The following PDE11A variants were observed in gnomAD, a reference collection of about 807,000 sequenced individuals.
PDE11A encodes phosphodiesterase 11A.
In PDE11A, 100 loss-of-function variants were observed where a neutral mutation model predicts 100.5. That is an observed-to-expected ratio of 1.00 (90% CI 0.85 to 1.18). The LOEUF is 1.18. PDE11A is among the 50% of genes most tolerant of loss of function. PDE11A has a pLI of 0.00. For synonymous variants in PDE11A, 381 were observed against 420.8 expected (o/e 0.91, Z 1.16); for missense variants, 1,141 against 1,152.6 (o/e 0.99, Z 0.15).
intron 1 of PDE11A, among the ~76,000 whole-genome samples, chr2:178,045,652 T>C (rs1559052993): frequency 6.6e-6 from 1 of 152,242 alleles, no homozygotes; most frequent in Admixed American, 6.5e-5. Flanking sequence ...CTATCACTAC[T>C]GTCAGTAGTA....
intron 9 of PDE11A, among the ~76,000 whole-genome samples, chr2:177,811,325 T>C (rs1456883597): frequency 6.6e-6 from 1 of 151,980 alleles, no homozygotes; most frequent in African/African-American, 2.4e-5. Flanking sequence ...AGTAAATGCC[T>C]CTCTTTGTTC....
chr2:178,006,578 G>C (rs1420219874), intron 2 of PDE11A, among the ~76,000 whole-genome samples: 1 of 152,146 alleles, frequency 6.6e-6, no homozygotes, highest in African/African-American at 2.4e-5. Flanking sequence ...TTTAACCTGA[G>C]TTCTGGCAGG....
In PDE11A at chr2:177,968,933, A is replaced by G. The variant is rs530873272; in HGVS notation, c.1071+45369T>C. Among the ~76,000 whole-genome samples the G allele has an allele frequency of 5.9e-5, 9 of 152,372 alleles. No individual in the cohort carries two copies. In the South Asian group the frequency reaches 1.9e-3, roughly 32 times the overall value. ...CCATTACTGGGTATATGTCCAAAGG[A>G]TTATAAATCATTCTACTATAAGAAC... On this transcript the variant is annotated intron_variant, in intron 2 of 19. Coordinates refer to ENST00000286063, the MANE Select transcript of PDE11A (RefSeq NM_016953.4).
chr2:177,839,471 C>T (rs80142996), intron 6 of PDE11A, among the ~76,000 whole-genome samples: 1 of 152,166 alleles, frequency 6.6e-6, no homozygotes, highest in Non-Finnish European at 1.5e-5. Context: ...AGAACAAATA[C>T]TCCAATTTCT....
intron 2 of PDE11A, among the ~76,000 whole-genome samples, chr2:177,963,983 T>C (rs926463432): frequency 2.0e-5 from 3 of 152,292 alleles, no homozygotes; most frequent in African/African-American, 2.4e-5. Context: ...CATCTTCTTA[T>C]CTCCAGTGCC....
intron 6 of PDE11A, among the ~76,000 whole-genome samples, chr2:177,837,890 A>C (rs749113421): frequency 3.9e-5 from 6 of 152,344 alleles, no homozygotes; most frequent in Middle Eastern, 3.4e-3. Flanking sequence ...GGACTTTCTT[A>C]AGGAGTGCTC....
chr2:177,934,678 A>G lies in PDE11A; in HGVS notation c.1072-29491T>C, dbSNP rs189417050. Among the ~76,000 whole-genome samples the G allele has an allele frequency of 6.8e-4, 104 of 152,362 alleles. No individual in the cohort carries two copies. In the East Asian group the frequency reaches 0.014, roughly 20 times the overall value. On this transcript the variant is annotated intron_variant, in intron 2 of 19. Transcript: ENST00000286063. Reference sequence around the variant, plus strand: ...ATAAATCATTCTACCAAAAAGACACATGCATTTGCATGTTCATCACAGCAC... The same window carrying G: ...ATAAATCATTCTACCAAAAAGACACGTGCATTTGCATGTTCATCACAGCAC...
rs746228686 is a variant in PDE11A at position 177,840,369 on chromosome 2, A to C, written c.1382T>G (p.Met461Arg). The change falls in exon 6 of 20, where the codon ATG (methionine) becomes AGG (arginine). Residue 461 changes from methionine to arginine, a missense_variant. Physicochemically the swap from Met to Arg is moderately conservative, Grantham distance 91. Coordinates refer to ENST00000286063, the MANE Select transcript of PDE11A (RefSeq NM_016953.4). ...CCAGTCGGAGTATGATGATTTCTCCATGCTTTCTTTGAAACTATCAGAGCA... is the reference window on the plus strand; with the variant it reads ...CCAGTCGGAGTATGATGATTTCTCCCTGCTTTCTTTGAAACTATCAGAGCA... ...ADAENSFKES[M>R]EKSSYSDWLI... 4 of 1,613,976 alleles carry C rather than the reference A, an allele frequency of 2.5e-6. No individual in the cohort carries two copies. The Admixed American group carries it at 6.7e-5, about 27-fold the overall frequency.
At chr2:177,687,243 A>T (rs573879703) in intron 15 of PDE11A, 1 of 152,354 alleles carries the variant, frequency 6.6e-6, no homozygotes, top group Non-Finnish European at 1.5e-5. Flanking sequence ...AGTCTCTGCC[A>T]GTCCTGTTGA....
At chr2:177,652,447 C>T (rs1217494413) in intron 19 of PDE11A, among the ~76,000 whole-genome samples, 4 of 151,896 alleles carry the variant, frequency 2.6e-5, no homozygotes, top group Admixed American at 2.6e-4. Context: ...GCAGAGGGTA[C>T]AAAGGAAGGA....
intron 4 of PDE11A, among the ~76,000 whole-genome samples, chr2:177,889,697 A>G (rs953921993): frequency 1.3e-5 from 2 of 150,798 alleles, no homozygotes; most frequent in Non-Finnish European, 3.0e-5. Context: ...CTTTCTGTGC[A>G]GCTACATATT....
chr2:177,934,926 G>A (rs1163088709), intron 2 of PDE11A, among the ~76,000 whole-genome samples: 1 of 152,178 alleles, frequency 6.6e-6, no homozygotes, highest in Non-Finnish European at 1.5e-5. Flanking sequence ...ACTCATGGAT[G>A]TAAAGATAGC....
intron 2 of PDE11A, among the ~76,000 whole-genome samples, chr2:178,103,962 T>C (rs2087589109): frequency 6.6e-6 from 1 of 152,188 alleles, no homozygotes; most frequent in Non-Finnish European, 1.5e-5. Context: ...CCCACTCTGC[T>C]AAAATCAATA....
chr2:178,075,997 A>G (rs1486469673), upstream of PDE11A, among the ~76,000 whole-genome samples: 1 of 152,180 alleles, frequency 6.6e-6, no homozygotes, highest in Admixed American at 6.5e-5. Context: ...ACTATCTATA[A>G]TACACTCCAT....
At chr2:177,653,370 T>C (rs1224565554) in intron 19 of PDE11A, among the ~76,000 whole-genome samples, 2 of 152,246 alleles carry the variant, frequency 1.3e-5, no homozygotes, top group Admixed American at 6.5e-5. Flanking sequence ...GGGAGATTCC[T>C]GAGATCCCAT....
intron 2 of PDE11A, among the ~76,000 whole-genome samples, chr2:177,987,149 T>C (rs918330604): frequency 4.6e-5 from 7 of 152,220 alleles, no homozygotes; most frequent in African/African-American, 1.7e-4. Context: ...TGCAGTGCTA[T>C]AGCCAATACC....
intron 10 of PDE11A, among the ~76,000 whole-genome samples, 174 bp downstream of exon 10, chr2:177,769,149 T>C (rs1276925459): frequency 6.6e-6 from 1 of 152,214 alleles, no homozygotes; most frequent in African/African-American, 2.4e-5. Flanking sequence ...TACTCAGTTA[T>C]ACAAAAGTCC....
chr2:177,818,819 A>G lies in PDE11A; in HGVS notation c.1577-894T>C, dbSNP rs573281969. Among the ~76,000 whole-genome samples the G allele has an allele frequency of 2.0e-5, 3 of 152,152 alleles. No individual in the cohort carries two copies. The South Asian group carries it at 6.2e-4, about 32-fold the overall frequency. On this transcript the variant is annotated intron_variant, in intron 7 of 19. Coordinates refer to ENST00000286063, the MANE Select transcript of PDE11A (RefSeq NM_016953.4). ...ACAAGTTTAACAAGAAAAATCAACT[A>G]TCTTGAAAACCACTAGCCTGTGTCC... is the stretch of plus-strand genomic sequence containing the variant.
intron 5 of PDE11A, among the ~76,000 whole-genome samples, chr2:177,855,154 C>A (rs190279106): frequency 1.3e-5 from 2 of 151,962 alleles, no homozygotes; most frequent in Non-Finnish European, 2.9e-5. Context: ...GAAAGAAGAT[C>A]CATGCAGAAG....
Sources: allele counts gnomAD v4.1 joint callset (sites outside exome capture counted in the v4.1 genomes callset), GRCh38; gene constraint gnomAD v4.1.1; transcripts MANE v1.5; gene names NCBI Gene and HGNC (gene_info 2026-07-23, HGNC 2026-07-21).